SLIT1: variants seen among roughly 807,000 people sequenced by gnomAD.
SLIT1 encodes the protein slit homolog 1 protein.
Under a neutral mutation model 186.1 loss-of-function variants are expected in SLIT1, and 66 were observed. The observed-to-expected ratio is 0.35, with a 90% CI of 0.29 to 0.44. The LOEUF is 0.44. SLIT1 is among the 20% of genes least tolerant of loss of function. SLIT1 has a pLI of 1.00. For synonymous variants in SLIT1, 761 were observed against 833.8 expected (o/e 0.91, Z 1.50); for missense variants, 1,638 against 2,037.4 (o/e 0.80, Z 3.77).
intron 25 of SLIT1, among the ~76,000 whole-genome samples, chr10:97,023,416 A>G (rs537457806): frequency 1.3e-5 from 2 of 152,052 alleles, no homozygotes; most frequent in African/African-American, 4.8e-5. Flanking sequence ...TAGAAGTAGG[A>G]TTTGGGGGTC....
intron 4 of SLIT1, among the ~76,000 whole-genome samples, chr10:97,077,625 A>G (rs1849058109): frequency 1.3e-5 from 2 of 152,192 alleles, no homozygotes; most frequent in Admixed American, 1.3e-4. Context: ...GTGGGTGACA[A>G]TCAGTTGTAT....
intron 4 of SLIT1, among the ~76,000 whole-genome samples, chr10:97,101,074 A>G (rs1849348258): frequency 6.6e-6 from 1 of 152,184 alleles, no homozygotes; most frequent in Non-Finnish European, 1.5e-5. Flanking sequence ...AGTGTCCCCA[A>G]GGGGACTGTG....
At chr10:97,100,561 G>A (rs1448619217) in intron 4 of SLIT1, among the ~76,000 whole-genome samples, 2 of 151,844 alleles carry the variant, frequency 1.3e-5, no homozygotes, top group African/African-American at 4.8e-5. Flanking sequence ...ACTTTAACCC[G>A]GGAGGCAGAG....
At chr10:97,060,894 C>T (rs774329883) in intron 8 of SLIT1, 107 bp from the exon 9 acceptor site, 19 of 1,235,584 alleles carry the variant, frequency 1.5e-5, no homozygotes, top group Admixed American at 2.8e-5. Flanking sequence ...CAGTTTCTCT[C>T]GATAAGGATG....
rs2134643391 is a variant in SLIT1, at chr10:97,068,107, C to T, written c.414-2021G>A. On this transcript the variant is annotated intron_variant, in intron 4 of 36. Coordinates refer to ENST00000266058, the MANE Select transcript of SLIT1 (RefSeq NM_003061.3). This position sits in a 1 kb window ranked among gnomAD's most constrained non-coding sequence, Gnocchi z 4.2. ...CCAGCACCTAGGACAGTGCCTGGCCCACATCAGCCACTCGCCAAGCATTTG... is the reference window on the plus strand; with the variant it reads ...CCAGCACCTAGGACAGTGCCTGGCCTACATCAGCCACTCGCCAAGCATTTG... 6.6e-6 allele frequency among the ~76,000 whole-genome samples: 1 copy of T among 152,090 alleles called. No individual in the cohort carries two copies. The highest frequency in any genetic ancestry group is 1.9e-4 in the East Asian group (1 of 5,182).
chr10:97,056,490 G>A, intron 12 of SLIT1, 26 bp from the exon 13 acceptor site: 4 of 1,613,424 alleles, frequency 2.5e-6, no homozygotes, highest in Non-Finnish European at 3.4e-6. Flanking sequence ...GGACCAAGTG[G>A]TGAGGAGAGA....
chr10:97,079,048 A>G (rs971850354), intron 4 of SLIT1, among the ~76,000 whole-genome samples: 2 of 151,854 alleles, frequency 1.3e-5, no homozygotes, highest in Non-Finnish European at 2.9e-5. Context: ...GAGCCAGAAA[A>G]CCCTGGGCTT....
chr10:97,146,918 G>T (rs1849824517), intron 4 of SLIT1, among the ~76,000 whole-genome samples: 1 of 117,330 alleles, frequency 8.5e-6, no homozygotes, highest in South Asian at 3.1e-4. Flanking sequence ...GGTGGAAAAG[G>T]CATTGCCTTC....
intron 13 of SLIT1, among the ~76,000 whole-genome samples, chr10:97,055,636 T>C (rs966567458): frequency 2.6e-5 from 4 of 152,174 alleles, no homozygotes; most frequent in East Asian, 1.9e-4. Flanking sequence ...TCCCAGAGTG[T>C]TGGGATTAGA....
chr10:97,164,714 G>C, intron 2 of SLIT1, 105 bp downstream of exon 2: 1 of 832,244 alleles, frequency 1.2e-6, no homozygotes, highest in Non-Finnish European at 2.1e-6. Context: ...CTCCGTGGTA[G>C]AGGGGCCCAG....
chr10:97,162,416 C>T (rs1564691449), intron 3 of SLIT1, among the ~76,000 whole-genome samples: 1 of 152,154 alleles, frequency 6.6e-6, no homozygotes, highest in Non-Finnish European at 1.5e-5. Flanking sequence ...TCAAGATCAG[C>T]CTGGCCAACA....
Position 97,004,715 on chromosome 10 carries a change from AGCT to A in SLIT1, c.3685_3687del (p.Ser1229del). On this transcript the variant is annotated inframe_deletion, in exon 33 of 37. Coordinates refer to ENST00000266058, the MANE Select transcript of SLIT1 (RefSeq NM_003061.3). The surrounding 1 kb of genome is among the most constrained non-coding windows in gnomAD (Gnocchi z 5.1). ...TACCTGTAGATGGCAGAGCTGGGGT[AGCT>A]GCCTGGGTCGTAGCTGACACGCACA... 6.2e-7 allele frequency: 1 copy of A among 1,614,118 alleles called. No homozygotes were observed. The highest frequency in any genetic ancestry group is 8.5e-7 in the Non-Finnish European group (1 of 1,180,016).
intron 5 of SLIT1, 123 bp downstream of exon 5, chr10:97,065,892 T>C: frequency 1.4e-6 from 1 of 709,342 alleles, no homozygotes; most frequent in Non-Finnish European, 2.5e-6. Flanking sequence ...ACCAGCCCTC[T>C]GAGAGCCCAG....
chr10:97,162,046 T>A (rs1031429954), intron 3 of SLIT1, among the ~76,000 whole-genome samples: 1 of 152,026 alleles, frequency 6.6e-6, no homozygotes, highest in African/African-American at 2.4e-5. Context: ...CATAAGAAAA[T>A]CCATTAAAAG....
intron 28 of SLIT1, among the ~76,000 whole-genome samples, chr10:97,016,902 G>A (rs776360607): frequency 3.3e-5 from 5 of 152,200 alleles, no homozygotes. Context: ...GAGGGGACCA[G>A]CAGCAGGGTT....
Position 97,030,806 on chromosome 10 carries a change from A to T in SLIT1, c.2533T>A (p.Ser845Thr). 1.2e-6 allele frequency: 2 copies of T among 1,614,006 alleles called. No individual in the cohort carries two copies. Among genetic ancestry groups the T allele is most frequent in the Non-Finnish European group, 1.7e-6 (2 of 1,179,968 alleles). ...RLLSLHGNDI[S>T]TLQEGIFADV... is the part of the protein sequence containing the mutation. ...GCAAAGATGCCCTCTTGGAGGGTGG[A>T]GATGTCATTGCCGTGGAGAGACCTG... The change falls in exon 25 of 37, where the codon TCC becomes ACC. Residue 845 changes from serine to threonine, a missense_variant. Physicochemically the swap from Ser to Thr is moderately conservative, Grantham distance 58. Transcript: ENST00000266058.
intron 4 of SLIT1, among the ~76,000 whole-genome samples, chr10:97,125,039 TCAAA>T (rs1282780685): frequency 6.6e-6 from 1 of 152,176 alleles, no homozygotes; most frequent in Non-Finnish European, 1.5e-5. Flanking sequence ...TTTCAGCCCA[TCAAA>T]CTGGCAAAGT....
At chr10:97,177,528 T>C (rs902964490) in intron 1 of SLIT1, among the ~76,000 whole-genome samples, 4 of 152,214 alleles carry the variant, frequency 2.6e-5, no homozygotes, top group Non-Finnish European at 5.9e-5. Context: ...TGGCTGAAAG[T>C]AACACAAATG....
At chr10:97,135,075 G>T (rs997276206) in intron 4 of SLIT1, among the ~76,000 whole-genome samples, 4 of 152,188 alleles carry the variant, frequency 2.6e-5, no homozygotes, top group Non-Finnish European at 5.9e-5. Context: ...TGTTACAAAT[G>T]AAAAAGTAAA....
Sources: gnomAD v4.1 joint callset for allele counts (sites outside exome capture counted in the v4.1 genomes callset) on GRCh38, gnomAD v4.1.1 for gene constraint, Gnocchi (gnomAD v3.1) non-coding constraint, MANE v1.5 for transcripts, NCBI Gene and HGNC (gene_info 2026-07-23, HGNC 2026-07-21) for gene names.